The following LRRC4C variants were observed in gnomAD, a reference collection of about 807,000 sequenced individuals.
LRRC4C encodes leucine-rich repeat-containing protein 4C.
A neutral mutation model predicts 33.6 loss-of-function variants in LRRC4C; 5 were observed. The observed-to-expected ratio is 0.15, with a 90% CI of 0.08 to 0.31. LRRC4C has a LOEUF of 0.31. LRRC4C is among the 10% of genes least tolerant of loss of function. The probability of loss-of-function intolerance (pLI) is 1.00; values close to 1 mark genes in which losing one functional copy is unlikely to be tolerated. For missense variants in LRRC4C, 560 were observed against 796.7 expected (o/e 0.70, Z 3.58); for synonymous variants, 329 against 302.0 (o/e 1.09, Z -0.93).
At position 40,825,449 on chromosome 11, in the gene LRRC4C, T is replaced by C. The variant is rs145111342; in HGVS notation, c.-407+108186A>G. Among the ~76,000 whole-genome samples the C allele has an allele frequency of 1.6e-3, 237 of 152,026 alleles. 1 individual carries two copies. The highest frequency in any genetic ancestry group is 5.4e-3 in the African/African-American group (223 of 41,492). On this transcript the variant is annotated intron_variant, in intron 2 of 6. Transcript: ENST00000528697. Reference sequence around the variant, plus strand: ...CCCTGTCAAATTACAATCTGCCATCTCTACTTGACATCTAAACTCAGTCCT... The same window carrying C: ...CCCTGTCAAATTACAATCTGCCATCCCTACTTGACATCTAAACTCAGTCCT...
chr11:40,618,786 A>C (rs575363089), intron 3 of LRRC4C, among the ~76,000 whole-genome samples: 49 of 151,728 alleles, frequency 3.2e-4, no homozygotes, highest in Non-Finnish European at 6.0e-4. Context: ...AGTCCATCCC[A>C]CTTCCACAGG....
intron 1 of LRRC4C, among the ~76,000 whole-genome samples, chr11:41,128,972 A>G (rs1255229111): frequency 6.6e-6 from 1 of 152,084 alleles, no homozygotes; most frequent in Non-Finnish European, 1.5e-5. Context: ...GAAAATGAAT[A>G]CAATTTGCTA....
chr11:40,983,157 T>C (rs2126425), intron 1 of LRRC4C, among the ~76,000 whole-genome samples: 7,331 of 152,268 alleles, frequency 0.048, 612 homozygotes, highest in African/African-American at 0.17. Flanking sequence ...GTCTTTACAA[T>C]AGAATGATTT....
At chr11:40,212,654 C>A (rs1863688336) in intron 5 of LRRC4C, among the ~76,000 whole-genome samples, 1 of 152,080 alleles carries the variant, frequency 6.6e-6, no homozygotes, top group Non-Finnish European at 1.5e-5. Context: ...CTAATAAGCT[C>A]TTTACCTATA....
intron 5 of LRRC4C, among the ~76,000 whole-genome samples, chr11:40,200,451 C>CCAGAAGCAGAA (rs1309833267): frequency 6.6e-6 from 1 of 151,756 alleles, no homozygotes; most frequent in Non-Finnish European, 1.5e-5. Flanking sequence ...TGAGAAAACA[C>CCAGAAGCAGAA]CAGAAGCAGA....
chr11:41,431,034 A>G (rs967778964), intron 1 of LRRC4C, among the ~76,000 whole-genome samples: 15 of 152,138 alleles, frequency 9.9e-5, no homozygotes, highest in South Asian at 2.1e-4. Flanking sequence ...ATCAGCTTAA[A>G]TGCAAAAATT....
chr11:40,785,610 T>C (rs1438859067), intron 2 of LRRC4C, among the ~76,000 whole-genome samples: 1 of 152,212 alleles, frequency 6.6e-6, no homozygotes, highest in Non-Finnish European at 1.5e-5. Flanking sequence ...CCAATCTTTA[T>C]CTGATTCACT....
intron 2 of LRRC4C, among the ~76,000 whole-genome samples, chr11:40,756,707 T>C (rs1191423199): frequency 6.6e-6 from 1 of 152,136 alleles, no homozygotes; most frequent in Non-Finnish European, 1.5e-5. Context: ...ACTTTGCTAA[T>C]ATTTAATGTG....
chr11:40,647,261 T>G (rs1270610118), intron 3 of LRRC4C, among the ~76,000 whole-genome samples: 1 of 152,218 alleles, frequency 6.6e-6, no homozygotes, highest in Non-Finnish European at 1.5e-5. Context: ...TACTTATGCC[T>G]TAAAGCAGCA....
intron 1 of LRRC4C, among the ~76,000 whole-genome samples, chr11:41,348,129 T>C (rs552132304): frequency 2.6e-4 from 39 of 152,364 alleles, no homozygotes; most frequent in African/African-American, 9.4e-4. Flanking sequence ...AGTTGTTTTC[T>C]ACTACTTCCT....
At chr11:40,245,177 TTCATC>T (rs1467302651) in intron 4 of LRRC4C, among the ~76,000 whole-genome samples, 1 of 152,168 alleles carries the variant, frequency 6.6e-6, no homozygotes, top group African/African-American at 2.4e-5. Flanking sequence ...TGTGTTCAAA[TTCATC>T]TCTTATACAA....
At chr11:40,825,942 G>GC (rs1459243346) in intron 2 of LRRC4C, among the ~76,000 whole-genome samples, 11 of 38,622 alleles carry the variant, frequency 2.8e-4, no homozygotes, top group African/African-American at 6.6e-4. Context: ...TTGTATTCTG[G>GC]GGGGGGGGCG....
chr11:40,327,318 C>T (rs369099655), intron 3 of LRRC4C, among the ~76,000 whole-genome samples: 2,219 of 35,412 alleles, frequency 0.063, 52 homozygotes, highest in African/African-American at 0.11. Context: ...CATAGAGAGG[C>T]CATTTTTTTC....
chr11:40,307,504 A>G (rs957781217), intron 4 of LRRC4C, among the ~76,000 whole-genome samples: 2 of 152,320 alleles, frequency 1.3e-5, no homozygotes, highest in Non-Finnish European at 2.9e-5. Flanking sequence ...AAGTTTCCCA[A>G]TTCTTTCCAA....
chr11:40,644,144 T>C (rs1405644492), intron 3 of LRRC4C, among the ~76,000 whole-genome samples: 1 of 152,142 alleles, frequency 6.6e-6, no homozygotes, highest in Non-Finnish European at 1.5e-5. Flanking sequence ...AATAAAACTA[T>C]AAAACTTTTG....
intron 1 of LRRC4C, among the ~76,000 whole-genome samples, chr11:41,256,570 C>T (rs1948807891): frequency 6.6e-6 from 1 of 151,948 alleles, no homozygotes; most frequent in African/African-American, 2.4e-5. Context: ...AAAATTGATT[C>T]ATAGCATTAA....
intron 4 of LRRC4C, among the ~76,000 whole-genome samples, chr11:40,259,865 C>T (rs1429811869): frequency 6.6e-6 from 1 of 152,090 alleles, no homozygotes; most frequent in Admixed American, 6.6e-5. Context: ...TACCATCTCA[C>T]ACCAGTTAGA....
intron 3 of LRRC4C, among the ~76,000 whole-genome samples, chr11:40,444,791 C>A (rs945723886): frequency 6.6e-6 from 1 of 152,154 alleles, no homozygotes; most frequent in Non-Finnish European, 1.5e-5. Flanking sequence ...CTGTCAAATT[C>A]TCTCAGGAAG....
At chr11:40,438,820 T>C (rs1487570475) in intron 3 of LRRC4C, among the ~76,000 whole-genome samples, 1 of 152,148 alleles carries the variant, frequency 6.6e-6, no homozygotes, top group Non-Finnish European at 1.5e-5. Context: ...GTTAATAATG[T>C]CAATATCTAT....
Sources: allele counts gnomAD v4.1 joint callset (sites outside exome capture counted in the v4.1 genomes callset), GRCh38; gene constraint gnomAD v4.1.1; transcripts MANE v1.5; gene names NCBI Gene and HGNC (gene_info 2026-07-23, HGNC 2026-07-21).